Variants in RPH3A observed in about 807,000 individuals in gnomAD.
RPH3A encodes rabphilin-3A.
In RPH3A, 48 loss-of-function variants were observed where a neutral mutation model predicts 102.2. The ratio of observed to expected loss-of-function variants is 0.47; its 90% CI spans 0.37 to 0.60. The LOEUF is 0.60. RPH3A is among the 20% of genes least tolerant of loss of function. RPH3A has a pLI of 0.00. For synonymous variants in RPH3A, 310 were observed against 324.3 expected (o/e 0.96, Z 0.47); for missense variants, 781 against 910.1 (o/e 0.86, Z 1.83).
At chr12:112,805,208 A>T (rs2041436048) in intron 2 of RPH3A, among the ~76,000 whole-genome samples, 4 of 152,226 alleles carry the variant, frequency 2.6e-5, no homozygotes, top group Non-Finnish European at 5.9e-5. Context: ...GACAGCCCTA[A>T]ATTTGGAAGA....
intron 1 of RPH3A, among the ~76,000 whole-genome samples, chr12:112,618,350 C>G (rs1219790771): frequency 6.6e-6 from 1 of 152,190 alleles, no homozygotes; most frequent in Non-Finnish European, 1.5e-5. Context: ...CAGAGCAATT[C>G]CACAGTGCAC....
At chr12:112,694,299 C>A (rs959385185) in intron 1 of RPH3A, among the ~76,000 whole-genome samples, 1 of 152,170 alleles carries the variant, frequency 6.6e-6, no homozygotes, top group Non-Finnish European at 1.5e-5. Context: ...CGTGGCCCAG[C>A]TGCTCCACCT....
rs952761479 is a variant in RPH3A, at chr12:112,868,628, A to C, written c.610+33A>C. The C allele has an allele frequency of 3.7e-6, 6 of 1,600,718 alleles. No individual in the cohort carries two copies. The Admixed American group carries it at 6.9e-5, about 18-fold the overall frequency. On this transcript the variant is annotated intron_variant, in intron 8 of 21. Transcript: ENST00000389385. ...AAAACAGGTGCTTCTTTCAGGACCA[A>C]GGACAGATCTTAGCCAACTGGTCTA...
chr12:112,686,138 T>C (rs1338639627), intron 1 of RPH3A, among the ~76,000 whole-genome samples: 1 of 152,196 alleles, frequency 6.6e-6, no homozygotes, highest in African/African-American at 2.4e-5. Flanking sequence ...TGGGAACACC[T>C]AGCTCTTATA....
At chr12:112,889,056 C>A (rs1426321096) in intron 17 of RPH3A, among the ~76,000 whole-genome samples, 3 of 152,224 alleles carry the variant, frequency 2.0e-5, no homozygotes, top group Admixed American at 6.5e-5. Context: ...ATCTTCCCAC[C>A]AGATGGCCAG....
At chr12:112,807,539 C>T (rs935899439) in intron 2 of RPH3A, among the ~76,000 whole-genome samples, 1 of 152,194 alleles carries the variant, frequency 6.6e-6, no homozygotes, top group Non-Finnish European at 1.5e-5. Flanking sequence ...TACCAAATCT[C>T]TCTGCATCTC....
chr12:112,601,640 A>G (rs1469320618), intron 1 of RPH3A, among the ~76,000 whole-genome samples: 1 of 152,190 alleles, frequency 6.6e-6, no homozygotes, highest in Non-Finnish European at 1.5e-5. Context: ...ATACAAGTAG[A>G]TTATAAATAG....
chr12:112,879,214 C>G lies in RPH3A; in HGVS notation c.1251+16C>G. 6.2e-7 allele frequency: 1 copy of G among 1,608,954 alleles called. No individual in the cohort carries two copies. The highest frequency in any genetic ancestry group is 8.5e-7 in the Non-Finnish European group (1 of 1,176,186). On this transcript the variant is annotated intron_variant, in intron 14 of 21. Coordinates refer to ENST00000389385, the MANE Select transcript of RPH3A (RefSeq NM_001143854.2). Reference sequence around the variant, plus strand: ...TAAGGCCAAGGTGGGTGATGGGGACCATGCAGGGAACCTCTCAGGATGCTC... The same window carrying G: ...TAAGGCCAAGGTGGGTGATGGGGACGATGCAGGGAACCTCTCAGGATGCTC...
intron 1 of RPH3A, among the ~76,000 whole-genome samples, chr12:112,582,229 G>A (rs1436904349): frequency 6.8e-6 from 1 of 146,836 alleles, no homozygotes. Context: ...TGTCTTGCCT[G>A]TCTTCATGAA....
In RPH3A at chr12:112,835,494, G is replaced by A. The variant is rs191698017; in HGVS notation, c.72-997G>A. ...ACAGTCTGGACGCCATTTCATTAAA[G>A]TGTTCCTCGGCTCCCATGAAACATC... is the stretch of plus-strand genomic sequence containing the variant. On this transcript the variant is annotated intron_variant, in intron 3 of 21. Transcript: ENST00000389385. Among the ~76,000 whole-genome samples the A allele has an allele frequency of 1.1e-3, 173 of 152,308 alleles. 1 individual carries two copies. Among genetic ancestry groups the A allele is most frequent in the African/African-American group, 3.9e-3 (163 of 41,568 alleles).
intron 2 of RPH3A, among the ~76,000 whole-genome samples, chr12:112,796,291 G>A (rs1050809906): frequency 1.2e-4 from 19 of 152,190 alleles, no homozygotes; most frequent in Admixed American, 2.6e-4. Context: ...GCTCTGAGCC[G>A]TGTATTTTCT....
intron 5 of RPH3A, chr12:112,850,707 G>A (rs948971475): frequency 6.6e-6 from 1 of 152,150 alleles, no homozygotes; most frequent in Non-Finnish European, 1.5e-5. Flanking sequence ...CCCTGGGAGG[G>A]GATCAGAGAA....
rs568115340 is a variant in RPH3A, at chr12:112,718,778, C to T, written c.-139-73365C>T. On this transcript the variant is annotated intron_variant, in intron 1 of 21. Coordinates refer to the RPH3A transcript ENST00000543106. ...TTGGTAATGGCTGCCTGTAGCCCTG[C>T]ATAGAGGAAGATGGCAGCCTCTTCA... Among the ~76,000 whole-genome samples the T allele has an allele frequency of 4.6e-5, 7 of 152,292 alleles. No homozygotes were observed. The South Asian group carries it at 6.2e-4, about 14-fold the overall frequency.
intron 7 of RPH3A, 123 bp downstream of exon 7, chr12:112,866,963 A>G (rs1593103212): frequency 1.5e-6 from 1 of 685,618 alleles, no homozygotes; most frequent in East Asian, 2.8e-5. Flanking sequence ...GAACAACCTC[A>G]GAGTATTTGG....
chr12:112,653,718 A>G (rs553775743), intron 1 of RPH3A, among the ~76,000 whole-genome samples: 1 of 152,310 alleles, frequency 6.6e-6, no homozygotes, highest in African/African-American at 2.4e-5. Flanking sequence ...TTGTTGTATT[A>G]GGTATTAAGC....
chr12:112,818,459 T>G (rs898766095), intron 2 of RPH3A, among the ~76,000 whole-genome samples: 5 of 152,162 alleles, frequency 3.3e-5, no homozygotes, highest in African/African-American at 1.2e-4. Context: ...CTCCCAGCTT[T>G]TATCCTTTAC....
intron 3 of RPH3A, among the ~76,000 whole-genome samples, chr12:112,828,689 T>C (rs2041920770): frequency 6.6e-6 from 1 of 152,210 alleles, no homozygotes; most frequent in African/African-American, 2.4e-5. Context: ...TAATTTACTG[T>C]GTGATGATAG....
chr12:112,769,656 G>C (rs550163763), intron 1 of RPH3A, among the ~76,000 whole-genome samples: 2 of 152,268 alleles, frequency 1.3e-5, no homozygotes, highest in Admixed American at 1.3e-4. Flanking sequence ...GGAACTAATT[G>C]GTAGTGGAAA....
At chr12:112,711,426 C>A (rs117763300) in intron 1 of RPH3A, among the ~76,000 whole-genome samples, 1 of 151,898 alleles carries the variant, frequency 6.6e-6, no homozygotes, top group South Asian at 2.1e-4. Context: ...TCTTTGGGGA[C>A]GACTTTCAGT....
Sources: gnomAD v4.1 joint callset for allele counts (sites outside exome capture counted in the v4.1 genomes callset) on GRCh38, gnomAD v4.1.1 for gene constraint, MANE v1.5 for transcripts, NCBI Gene and HGNC (gene_info 2026-07-23, HGNC 2026-07-21) for gene names.